The following GABRB1 variants were observed in gnomAD, a reference collection of about 807,000 sequenced individuals.
GABRB1 encodes the protein gamma-aminobutyric acid receptor subunit beta-1.
Under a neutral mutation model 51.6 loss-of-function variants are expected in GABRB1, and 17 were observed. That is an observed-to-expected ratio of 0.33 (90% CI 0.23 to 0.49). The LOEUF is 0.49. Among genes scored for constraint, GABRB1 ranks in the 20% least tolerant of loss-of-function variants. The pLI is 0.99. For missense variants in GABRB1, 410 were observed against 600.6 expected (o/e 0.68, Z 3.32); for synonymous variants, 247 against 218.9 (o/e 1.13, Z -1.14).
intron 3 of GABRB1, among the ~76,000 whole-genome samples, chr4:47,159,337 C>A (rs1039700890): frequency 6.6e-6 from 1 of 151,954 alleles, no homozygotes; most frequent in African/African-American, 2.4e-5. Context: ...GAGATTATGT[C>A]ATTCACGCAT....
intron 4 of GABRB1, among the ~76,000 whole-genome samples, chr4:47,211,152 G>T (rs184723249): frequency 6.6e-6 from 1 of 152,188 alleles, no homozygotes; most frequent in East Asian, 1.9e-4. Flanking sequence ...TTTTTTATGA[G>T]ATTCTTAATC....
rs948026803 is a variant in GABRB1, at chr4:47,294,811, G to A, written c.462-25316G>A. Among the ~76,000 whole-genome samples, 12 of 152,214 alleles carry A rather than the reference G, an allele frequency of 7.9e-5. No individual in the cohort carries two copies. In the East Asian group the frequency reaches 2.1e-3, roughly 27 times the overall value. ...AACGGGCAGACTGCCTCCTCAAGTG[G>A]GTCCCTGACCCCTGACCCCCGAGCA... On this transcript the variant is annotated intron_variant, in intron 4 of 8. Coordinates refer to ENST00000295454, the MANE Select transcript of GABRB1 (RefSeq NM_000812.4).
chr4:47,160,176 A>C (rs1717876043), intron 3 of GABRB1, among the ~76,000 whole-genome samples: 1 of 152,136 alleles, frequency 6.6e-6, no homozygotes, highest in Non-Finnish European at 1.5e-5. Flanking sequence ...GGGAAACCTA[A>C]GTAGAAAGAA....
At chr4:47,209,007 T>G (rs1223973407) in intron 4 of GABRB1, among the ~76,000 whole-genome samples, 1 of 152,114 alleles carries the variant, frequency 6.6e-6, no homozygotes, top group Admixed American at 6.6e-5. Flanking sequence ...AAGCTATATA[T>G]TCCTAAGCTT....
intron 5 of GABRB1, among the ~76,000 whole-genome samples, chr4:47,395,592 G>A (rs1414855071): frequency 6.6e-6 from 1 of 152,148 alleles, no homozygotes; most frequent in Non-Finnish European, 1.5e-5. Flanking sequence ...TCTTCTGGAG[G>A]TGTGTATTTG....
intron 3 of GABRB1, among the ~76,000 whole-genome samples, chr4:47,036,398 A>C (rs1725568193): frequency 6.6e-6 from 1 of 152,172 alleles, no homozygotes; most frequent in Non-Finnish European, 1.5e-5. Flanking sequence ...AGTGCTTCTC[A>C]ATCTTTAACA....
chr4:47,038,647 G>A (rs1725700411), intron 3 of GABRB1, among the ~76,000 whole-genome samples: 1 of 152,184 alleles, frequency 6.6e-6, no homozygotes, highest in African/African-American at 2.4e-5. Context: ...TGTCTTAGCT[G>A]AATACCACTT....
chr4:47,421,624 A>C (rs974271051), intron 8 of GABRB1, among the ~76,000 whole-genome samples: 1 of 152,122 alleles, frequency 6.6e-6, no homozygotes, highest in Non-Finnish European at 1.5e-5. Context: ...AGATAATAAA[A>C]CTAGAATAAT....
At chr4:47,087,596 G>A (rs1728131362) in intron 3 of GABRB1, among the ~76,000 whole-genome samples, 1 of 151,696 alleles carries the variant, frequency 6.6e-6, no homozygotes, top group South Asian at 2.1e-4. Context: ...TCCAAGACAG[G>A]AAGGTCAAAT....
intron 4 of GABRB1, among the ~76,000 whole-genome samples, chr4:47,185,686 C>T (rs1012478636): frequency 1.3e-5 from 2 of 151,802 alleles, no homozygotes; most frequent in Non-Finnish European, 2.9e-5. Flanking sequence ...CTTCAGTTTC[C>T]TCATCTGAAG....
intron 3 of GABRB1, among the ~76,000 whole-genome samples, chr4:47,083,926 T>A (rs898318056): frequency 1.3e-5 from 2 of 152,098 alleles, no homozygotes; most frequent in Non-Finnish European, 1.5e-5. Flanking sequence ...GCTCATTCTG[T>A]CTCCTAACTC....
chr4:47,049,484 G>A (rs28625971), intron 3 of GABRB1, among the ~76,000 whole-genome samples: 1 of 152,138 alleles, frequency 6.6e-6, no homozygotes, highest in Non-Finnish European at 1.5e-5. Flanking sequence ...AACACTGAGA[G>A]AGAAATCAAA....
At chr4:47,067,535 T>A (rs1033090977) in intron 3 of GABRB1, among the ~76,000 whole-genome samples, 64 of 152,338 alleles carry the variant, frequency 4.2e-4, no homozygotes, top group African/African-American at 1.5e-3. Context: ...TAGCAGCTTC[T>A]ACATTAATGC....
intron 4 of GABRB1, among the ~76,000 whole-genome samples, chr4:47,300,078 T>C (rs1185007441): frequency 1.3e-4 from 13 of 103,872 alleles, no homozygotes; most frequent in African/African-American, 4.6e-4. Flanking sequence ...CATCACATTC[T>C]GGGGACTGTT....
intron 3 of GABRB1, among the ~76,000 whole-genome samples, chr4:47,039,618 G>A (rs1420915873): frequency 6.6e-6 from 1 of 152,054 alleles, no homozygotes; most frequent in African/African-American, 2.4e-5. Context: ...AGCACCAGTT[G>A]GTAGTTTCTA....
chr4:47,216,527 T>G (rs1164523400), intron 4 of GABRB1, among the ~76,000 whole-genome samples: 2 of 151,940 alleles, frequency 1.3e-5, no homozygotes, highest in Non-Finnish European at 2.9e-5. Flanking sequence ...GTTGTTATTT[T>G]AATTCATATA....
chr4:47,356,167 C>G (rs889916477), intron 5 of GABRB1, among the ~76,000 whole-genome samples: 2 of 152,138 alleles, frequency 1.3e-5, no homozygotes, highest in Non-Finnish European at 2.9e-5. Flanking sequence ...TTTGTAAACC[C>G]TAAGACTAAA....
chr4:47,294,807 A>G (rs1723902884), intron 4 of GABRB1, among the ~76,000 whole-genome samples: 1 of 152,216 alleles, frequency 6.6e-6, no homozygotes, highest in South Asian at 2.1e-4. Context: ...TGCCTCCTCA[A>G]GTGGGTCCCT....
At chr4:47,123,740 T>TATATATATA (rs1332989676) in intron 3 of GABRB1, among the ~76,000 whole-genome samples, 1 of 89,620 alleles carries the variant, frequency 1.1e-5, no homozygotes, top group African/African-American at 4.6e-5. Context: ...TCATATATTA[T>TATATATATA]TATATATATA....
Sources: allele counts gnomAD v4.1 joint callset (sites outside exome capture counted in the v4.1 genomes callset), GRCh38; gene constraint gnomAD v4.1.1; transcripts MANE v1.5; gene names NCBI Gene and HGNC (gene_info 2026-07-23, HGNC 2026-07-21).